The following EFCAB5 variants were observed in gnomAD, a reference collection of about 807,000 sequenced individuals.
EFCAB5 encodes the protein EF-hand calcium binding domain 5.
In EFCAB5, 131 loss-of-function variants were observed where a neutral mutation model predicts 167.9. The observed-to-expected ratio is 0.78, with a 90% confidence interval of 0.68 to 0.90. The LOEUF (loss-of-function observed/expected upper bound fraction) is 0.90. Ranked by LOEUF, EFCAB5 falls within the 40% of genes least tolerant of loss-of-function variation. The pLI, the probability that EFCAB5 is intolerant of heterozygous loss-of-function variation, is 0.00. For synonymous variants in EFCAB5, 574 were observed against 602.8 expected (o/e 0.95, Z 0.70); for missense variants, 1,663 against 1,745.2 (o/e 0.95, Z 0.84).
At chr17:30,062,716 G>A (rs887091290) in intron 14 of EFCAB5, among the ~76,000 whole-genome samples, 1 of 152,144 alleles carries the variant, frequency 6.6e-6, no homozygotes, top group Non-Finnish European at 1.5e-5. Flanking sequence ...TCAGGCCAGT[G>A]GCCCAGCATC....
chr17:30,051,795 G>C (rs2070105699), intron 9 of EFCAB5, among the ~76,000 whole-genome samples: 1 of 151,884 alleles, frequency 6.6e-6, no homozygotes, highest in Non-Finnish European at 1.5e-5. Context: ...CTGGGTGCTG[G>C]GATTGTAGGT....
At chr17:30,011,158 G>A (rs1273700255) in intron 7 of EFCAB5, among the ~76,000 whole-genome samples, 1 of 152,090 alleles carries the variant, frequency 6.6e-6, no homozygotes, top group Admixed American at 6.5e-5. Context: ...TGTTCCATTG[G>A]TCTATATATC....
At chr17:29,986,953 A>G (rs879814509) in intron 4 of EFCAB5, among the ~76,000 whole-genome samples, 41 of 152,028 alleles carry the variant, frequency 2.7e-4, no homozygotes, top group Non-Finnish European at 3.2e-4. Context: ...GGCCGAGTAT[A>G]TTCATTTTGA....
chr17:30,032,996 A>G (rs2069517949), intron 7 of EFCAB5, among the ~76,000 whole-genome samples: 1 of 152,106 alleles, frequency 6.6e-6, no homozygotes, highest in Non-Finnish European at 1.5e-5. Context: ...ATTTATGGCT[A>G]TGGAAGTGGG....
Position 29,947,918 on chromosome 17 carries a change from C to T in EFCAB5, c.190+4269C>T, listed in dbSNP as rs192415518. 1.5e-4 allele frequency among the ~76,000 whole-genome samples: 23 copies of T among 152,216 alleles called. No homozygotes were observed. The South Asian group carries it at 2.9e-3, about 19-fold the overall frequency. ...TCAGCTCACTGCAACCTCCGCCTCC[C>T]GAGTTCAAACGATTCTCATGCCTCA... is the stretch of plus-strand genomic sequence containing the variant. On this transcript the variant is annotated intron_variant, in intron 3 of 22. Coordinates refer to ENST00000394835, the MANE Select transcript of EFCAB5 (RefSeq NM_198529.4).
At chr17:30,059,012 G>T in intron 13 of EFCAB5, 1 of 150,726 alleles carries the variant, frequency 6.6e-6, no homozygotes, top group African/African-American at 2.5e-5. Flanking sequence ...GATTCTTAAG[G>T]AATACTAATG....
intron 4 of EFCAB5, among the ~76,000 whole-genome samples, chr17:29,986,642 T>TC (rs2068289173): frequency 8.2e-6 from 1 of 122,310 alleles, no homozygotes; most frequent in Non-Finnish European, 1.7e-5. Flanking sequence ...TATTCATTTT[T>TC]TTTTTTTTTT....
At chr17:29,950,550 T>C (rs1284675583) in intron 3 of EFCAB5, 6 of 152,106 alleles carry the variant, frequency 3.9e-5, no homozygotes, top group African/African-American at 1.4e-4. Flanking sequence ...TTTTAATTTT[T>C]TTTTGCAGAG....
At chr17:30,071,572 C>T (rs953198114) in intron 14 of EFCAB5, among the ~76,000 whole-genome samples, 2 of 151,894 alleles carry the variant, frequency 1.3e-5, no homozygotes, top group African/African-American at 2.4e-5. Context: ...AGTAGAGCCA[C>T]TATTGAAAAC....
At chr17:30,088,099 G>C (rs2071123690) in intron 19 of EFCAB5, among the ~76,000 whole-genome samples, 1 of 152,118 alleles carries the variant, frequency 6.6e-6, no homozygotes. Context: ...TTGTCTGCCT[G>C]GGACATATTT....
chr17:30,041,292 AT>A (rs1436430959), intron 8 of EFCAB5, among the ~76,000 whole-genome samples: 2 of 152,206 alleles, frequency 1.3e-5, no homozygotes, highest in East Asian at 3.8e-4. Flanking sequence ...GGAGGTCAAA[AT>A]ATCAACATTA....
intron 8 of EFCAB5, among the ~76,000 whole-genome samples, chr17:30,050,596 A>G (rs542486207): frequency 6.6e-6 from 1 of 152,240 alleles, no homozygotes; most frequent in East Asian, 1.9e-4. Flanking sequence ...TGCCTGGCTA[A>G]TTTTTTATTT....
chr17:30,092,334 G>C (rs928307847), intron 21 of EFCAB5, among the ~76,000 whole-genome samples, 177 bp downstream of exon 21: 1 of 152,110 alleles, frequency 6.6e-6, no homozygotes, highest in Admixed American at 6.5e-5. Flanking sequence ...AATCCCAAAA[G>C]CTCTCCTTTG....
intron 4 of EFCAB5, among the ~76,000 whole-genome samples, chr17:29,992,288 G>A (rs769784156): frequency 6.6e-6 from 1 of 151,992 alleles, no homozygotes; most frequent in African/African-American, 2.4e-5. Context: ...TTCCATTCAC[G>A]CTGTCAGAAA....
intron 1 of EFCAB5, chr17:29,929,973 G>A (rs758647306): frequency 6.2e-7 from 1 of 1,604,172 alleles, no homozygotes; most frequent in South Asian, 1.1e-5. Context: ...CTGGGGGTAG[G>A]TGACCGCTGG....
Position 30,078,394 on chromosome 17 carries a change from C to T in EFCAB5, c.2917C>T (p.Leu973=). 1 of 1,613,984 alleles carries T rather than the reference C, an allele frequency of 6.2e-7. No homozygotes were observed. The highest frequency in any genetic ancestry group is 8.5e-7 in the Non-Finnish European group (1 of 1,179,890). ...TTTAGAGAGGAGCCACATTGAGAGTCTGAGGAATTCTGCCAGGCGGAAATG... is the reference window on the plus strand; with the variant it reads ...TTTAGAGAGGAGCCACATTGAGAGTTTGAGGAATTCTGCCAGGCGGAAATG... ...NALERSHIES[L]RNSARRKWLH... Residue 973 remains leucine (L), a synonymous_variant, in exon 15 of 23, where the codon CTG becomes TTG. Transcript: ENST00000394835.
chr17:30,098,774 C>T (rs2071340630), intron 22 of EFCAB5, among the ~76,000 whole-genome samples: 1 of 152,198 alleles, frequency 6.6e-6, no homozygotes, highest in Non-Finnish European at 1.5e-5. Flanking sequence ...ATTTTCATCA[C>T]CCCAAATAGA....
At position 30,070,296 on chromosome 17, in the gene EFCAB5, C is replaced by A. The variant is rs149849858; in HGVS notation, c.2738-7919C>A. Among the ~76,000 whole-genome samples the A allele has an allele frequency of 4.2e-3, 632 of 152,080 alleles. 5 individuals are homozygous for A. The highest frequency in any genetic ancestry group is 0.014 in the African/African-American group (600 of 41,492). ...CCAAAAGCAATCTACAGTTTCCATA[C>A]AATCCTGATCAAATACCAATAGCAT... is the stretch of plus-strand genomic sequence containing the variant. On this transcript the variant is annotated intron_variant, in intron 14 of 22. Transcript: ENST00000394835.
chr17:30,026,801 C>T (rs547673101), intron 7 of EFCAB5, among the ~76,000 whole-genome samples: 52 of 151,784 alleles, frequency 3.4e-4, no homozygotes, highest in African/African-American at 1.2e-3. Context: ...GTCTCAAACT[C>T]CTGACCTCAA....
Sources: gnomAD v4.1 joint callset for allele counts (sites outside exome capture counted in the v4.1 genomes callset) on GRCh38, gnomAD v4.1.1 for gene constraint, MANE v1.5 for transcripts, NCBI Gene and HGNC (gene_info 2026-07-23, HGNC 2026-07-21) for gene names.